ADGRG6: variants seen among roughly 807,000 people sequenced by gnomAD.
ADGRG6 encodes the protein adhesion G protein-coupled receptor G6.
ADGRG6 carries 84 observed loss-of-function variants against 142.4 expected under a neutral mutation model. The ratio of observed to expected loss-of-function variants is 0.59; its 90% CI spans 0.49 to 0.71. ADGRG6 has a LOEUF of 0.71. Ranked by LOEUF, ADGRG6 falls within the 30% of genes least tolerant of loss-of-function variation. The pLI is 0.00. For synonymous variants in ADGRG6, 521 were observed against 520.5 expected, an observed-to-expected ratio of 1.00 and a Z score of -0.01; for missense variants, 1,367 against 1,466.6, an observed-to-expected ratio of 0.93 and a Z score of 1.11.
At chr6:142,382,449 A>C (rs757447968) in intron 5 of ADGRG6, among the ~76,000 whole-genome samples, 5 of 152,208 alleles carry the variant, frequency 3.3e-5, no homozygotes, top group Non-Finnish European at 7.3e-5. Flanking sequence ...GCCATGAGGC[A>C]ATTTATGATG....
chr6:142,366,070 A>G (rs939900276), intron 2 of ADGRG6, among the ~76,000 whole-genome samples: 7 of 152,204 alleles, frequency 4.6e-5, no homozygotes, highest in Admixed American at 6.5e-5. Flanking sequence ...AATATGTAAA[A>G]GCAATGTGAA....
At chr6:142,339,599 T>C (rs549994365) in intron 2 of ADGRG6, among the ~76,000 whole-genome samples, 1 of 152,312 alleles carries the variant, frequency 6.6e-6, no homozygotes, top group East Asian at 1.9e-4. Flanking sequence ...AGCATGATCC[T>C]TTTGTGGTGT....
rs763670604 is a variant in ADGRG6 at position 142,415,844 on chromosome 6, A to T, written c.2718A>T (p.Thr906=). 1.2e-6 allele frequency: 2 copies of T among 1,612,708 alleles called. No individual in the cohort carries two copies. Among genetic ancestry groups the T allele is most frequent in the Non-Finnish European group, 1.7e-6 (2 of 1,178,866 alleles). Residue 906 remains threonine (T), a synonymous_variant, in exon 20 of 25, where the codon ACA becomes ACT. Coordinates refer to ENST00000367609, the MANE Select transcript of ADGRG6 (RefSeq NM_198569.3). ...YPSKILMNLS[T]ALLFLNLLFL... Reference sequence around the variant, plus strand: ...CCAAAATCTTGATGAACCTGAGCACAGCCCTGCTGTTCCTGAATCTCCTCT... The same window carrying T: ...CCAAAATCTTGATGAACCTGAGCACTGCCCTGCTGTTCCTGAATCTCCTCT...
chr6:142,338,509 AATTT>A (rs1225532081), intron 2 of ADGRG6, among the ~76,000 whole-genome samples: 3 of 150,674 alleles, frequency 2.0e-5, no homozygotes, highest in African/African-American at 4.8e-5. Flanking sequence ...TATTACATAT[AATTT>A]ATTCTTTAAA....
intron 4 of ADGRG6, among the ~76,000 whole-genome samples, chr6:142,372,761 G>A (rs1781317699): frequency 6.6e-6 from 1 of 152,128 alleles, no homozygotes; most frequent in Non-Finnish European, 1.5e-5. Flanking sequence ...TGTTTGGTGT[G>A]GGACAGTGAA....
Position 142,370,650 on chromosome 6 carries a change from A to G in ADGRG6, c.926A>G (p.Asn309Ser), listed in dbSNP as rs769849401. The change falls in exon 4 of 25, where the codon AAC becomes AGC. Residue 309 changes from asparagine (N) to serine (S), a missense_variant. This residue lies in a region of ADGRG6 where 737 missense variants were observed against 746.5 expected (regional missense o/e 0.99). Coordinates refer to ENST00000367609, the MANE Select transcript of ADGRG6 (RefSeq NM_198569.3). The part of the protein sequence containing the change: ...EIVSLKGDIY[N>S]FRLWNFTMNA... ...GTCTCTCTAAAAGGGGACATTTATA[A>G]CTTTCGACTTTGGAATTTTACCATG... The G allele has an allele frequency of 1.7e-5, 28 of 1,613,738 alleles. No homozygotes were observed. The highest frequency in any genetic ancestry group is 2.1e-5 in the Non-Finnish European group (25 of 1,179,844).
chr6:142,379,280 A>G (rs1249505310), intron 4 of ADGRG6, among the ~76,000 whole-genome samples: 2 of 152,086 alleles, frequency 1.3e-5, no homozygotes, highest in African/African-American at 4.8e-5. Context: ...AATGTTATGC[A>G]TTCTATCTTT....
At position 142,312,070 on chromosome 6, in the gene ADGRG6, T is replaced by C. The variant is rs1777795751; in HGVS notation, c.103+2426T>C. On this transcript the variant is annotated intron_variant, in intron 2 of 24. Coordinates refer to ENST00000367609, the MANE Select transcript of ADGRG6 (RefSeq NM_198569.3). ...CATGTAATCCTTCCCTATCCCTCAATTCAAAGGAGCGCCACTGGATCATAT... is the reference window on the plus strand; with the variant it reads ...CATGTAATCCTTCCCTATCCCTCAACTCAAAGGAGCGCCACTGGATCATAT... Among the ~76,000 whole-genome samples the C allele has an allele frequency of 2.0e-5, 3 of 151,992 alleles. No homozygotes were observed. The South Asian group carries it at 6.2e-4, about 31-fold the overall frequency.
At chr6:142,413,294 G>C (rs1776185280) in intron 18 of ADGRG6, among the ~76,000 whole-genome samples, 1 of 151,924 alleles carries the variant, frequency 6.6e-6, no homozygotes, top group Non-Finnish European at 1.5e-5. Flanking sequence ...TTCACCATAT[G>C]AGATGCTAAA....
At chr6:142,329,647 C>T (rs1346963971) in intron 2 of ADGRG6, among the ~76,000 whole-genome samples, 3 of 152,072 alleles carry the variant, frequency 2.0e-5, no homozygotes, top group Non-Finnish European at 4.4e-5. Context: ...AAGCTCCCAT[C>T]ATTGAGTCAT....
At chr6:142,402,305 A>C (rs1024417613) in intron 12 of ADGRG6, among the ~76,000 whole-genome samples, 2 of 152,172 alleles carry the variant, frequency 1.3e-5, no homozygotes, top group Non-Finnish European at 2.9e-5. Flanking sequence ...TGATATTTGT[A>C]TCAATGTTTT....
At chr6:142,379,205 G>A (rs1367619368) in intron 4 of ADGRG6, among the ~76,000 whole-genome samples, 1 of 152,090 alleles carries the variant, frequency 6.6e-6, no homozygotes. Flanking sequence ...ACCAGTTTTT[G>A]AAGTTGGAAA....
chr6:142,304,095 T>C (rs187470110), intron 1 of ADGRG6, among the ~76,000 whole-genome samples: 3 of 152,286 alleles, frequency 2.0e-5, no homozygotes, highest in Admixed American at 2.0e-4. Context: ...CTGATTCTTT[T>C]TAGGTATTGG....
intron 4 of ADGRG6, 129 bp from the exon 5 acceptor site, chr6:142,381,822 T>C (rs922827904): frequency 4.2e-5 from 22 of 528,152 alleles, no homozygotes; most frequent in Non-Finnish European, 6.7e-5. Flanking sequence ...CTTAAGAGAC[T>C]TTCTTGATAT....
chr6:142,327,933 T>C (rs150969605), intron 2 of ADGRG6, among the ~76,000 whole-genome samples: 91 of 152,266 alleles, frequency 6.0e-4, no homozygotes, highest in African/African-American at 2.1e-3. Flanking sequence ...AATTTTTTTT[T>C]CAGTTACTTC....
At chr6:142,388,950 A>G (rs1254883208) in intron 6 of ADGRG6, among the ~76,000 whole-genome samples, 1 of 152,056 alleles carries the variant, frequency 6.6e-6, no homozygotes. Flanking sequence ...TTATCTTTAT[A>G]TGAATTATTT....
intron 2 of ADGRG6, among the ~76,000 whole-genome samples, chr6:142,350,412 A>G (rs1423848067): frequency 2.0e-5 from 3 of 152,332 alleles, no homozygotes; most frequent in East Asian, 3.9e-4. Context: ...TAAGGTTTAT[A>G]CCAGCAGTAA....
At chr6:142,399,872 A>G (rs997556866) in intron 10 of ADGRG6, among the ~76,000 whole-genome samples, 1 of 152,182 alleles carries the variant, frequency 6.6e-6, no homozygotes, top group African/African-American at 2.4e-5. Flanking sequence ...AAAATGTAGA[A>G]TCTGAATCAT....
At chr6:142,338,461 A>G (rs899736774) in intron 2 of ADGRG6, among the ~76,000 whole-genome samples, 1 of 150,814 alleles carries the variant, frequency 6.6e-6, no homozygotes, top group Admixed American at 6.6e-5. Flanking sequence ...TCTAAATAAG[A>G]GTTTTATTAT....
Sources: gnomAD v4.1 joint callset for allele counts (sites outside exome capture counted in the v4.1 genomes callset) on GRCh38, gnomAD v4.1.1 for gene constraint, gnomAD v4.1.1 regional missense constraint, MANE v1.5 for transcripts, NCBI Gene and HGNC (gene_info 2026-07-23, HGNC 2026-07-21) for gene names.